MAGI1: variants seen among roughly 807,000 people sequenced by gnomAD.
MAGI1 encodes membrane associated guanylate kinase, WW and PDZ domain containing 1.
In MAGI1, 58 loss-of-function variants were observed where a neutral mutation model predicts 139.9. The observed-to-expected ratio is 0.41, with a 90% CI of 0.34 to 0.52. The LOEUF is 0.52. Among genes scored for constraint, MAGI1 ranks in the 20% least tolerant of loss-of-function variants. The pLI is 0.12. For missense variants in MAGI1, 1,874 were observed against 1,901.6 expected, an observed-to-expected ratio of 0.99 and a Z score of 0.27; for synonymous variants, 812 against 737.9, an observed-to-expected ratio of 1.10 and a Z score of -1.63.
At chr3:66,027,062 G>T (rs1158012396) in intron 1 of MAGI1, among the ~76,000 whole-genome samples, 1 of 151,788 alleles carries the variant, frequency 6.6e-6, no homozygotes, top group Non-Finnish European at 1.5e-5. Flanking sequence ...AAGGTCAGGA[G>T]ATCGAGATCA....
chr3:65,361,369 TGAAATTC>T (rs1465410585), intron 21 of MAGI1, 32 bp from the exon 22 acceptor site: 1 of 1,609,806 alleles, frequency 6.2e-7, no homozygotes, highest in Non-Finnish European at 8.5e-7. Context: ...AAGTGAGATT[TGAAATTC>T]ATGTACGGAT....
intron 1 of MAGI1, among the ~76,000 whole-genome samples, chr3:65,702,515 TG>T (rs1442770502): frequency 6.6e-6 from 1 of 152,156 alleles, no homozygotes; most frequent in Non-Finnish European, 1.5e-5. Flanking sequence ...TAACTAGTCT[TG>T]CTAGCCTCTT....
Position 65,488,078 on chromosome 3 carries a change from G to A in MAGI1, c.550+5434C>T, listed in dbSNP as rs1951740998. On this transcript the variant is annotated intron_variant, in intron 3 of 22. Coordinates refer to ENST00000402939, the MANE Select transcript of MAGI1 (RefSeq NM_001033057.2). ...GCAGTGGTTCTAAGGGAAACAGGGTGTGCTTGCTTCCCCTCCCTTTCTAGA... is the reference window on the plus strand; with the variant it reads ...GCAGTGGTTCTAAGGGAAACAGGGTATGCTTGCTTCCCCTCCCTTTCTAGA... Among the ~76,000 whole-genome samples the A allele has an allele frequency of 2.0e-5, 3 of 152,182 alleles. No homozygotes were observed. In the South Asian group the frequency reaches 6.2e-4, roughly 32 times the overall value.
chr3:65,430,686 A>G lies in MAGI1; in HGVS notation c.1546+13T>C, dbSNP rs775935151. The G allele has an allele frequency of 1.9e-6, 3 of 1,612,338 alleles. No individual in the cohort carries two copies. In the East Asian group the frequency reaches 6.7e-5, roughly 36 times the overall value. On this transcript the variant is annotated intron_variant, in intron 11 of 22. Coordinates refer to ENST00000402939, the MANE Select transcript of MAGI1 (RefSeq NM_001033057.2). The stretch of plus-strand genomic sequence containing the variant: ...TCACCACACAGAACACACTAAGGCC[A>G]TGTTGACGCTACCTGTTTCCATCTT...
chr3:65,941,967 G>A (rs1036115794), intron 1 of MAGI1, among the ~76,000 whole-genome samples: 1 of 152,080 alleles, frequency 6.6e-6, no homozygotes, highest in African/African-American at 2.4e-5. Flanking sequence ...TTTATTTTTT[G>A]TAGAGACAGG....
At chr3:65,920,543 C>T (rs1463368544) in intron 1 of MAGI1, among the ~76,000 whole-genome samples, 1 of 152,204 alleles carries the variant, frequency 6.6e-6, no homozygotes, top group Non-Finnish European at 1.5e-5. Flanking sequence ...TTATAAGCTT[C>T]ACTCTCTTCT....
chr3:65,975,066 C>T lies in MAGI1; in HGVS notation c.313+62930G>A, dbSNP rs1330718232. Among the ~76,000 whole-genome samples the T allele has an allele frequency of 2.1e-5, 3 of 141,282 alleles. No homozygotes were observed. In the East Asian group the frequency reaches 6.2e-4, roughly 29 times the overall value. 92.7% of individuals were successfully genotyped at this position (141,282 alleles called of 152,430 possible). A position where few individuals can be genotyped will look rare whatever the true frequency, so the allele number is the denominator to read the frequency against. Reference sequence around the variant, plus strand: ...TATTCAAATCATTCATATTATGTTGCAAAGATTAAAAGGGAAATAGCTATT... The same window carrying T: ...TATTCAAATCATTCATATTATGTTGTAAAGATTAAAAGGGAAATAGCTATT... On this transcript the variant is annotated intron_variant, in intron 1 of 22. Coordinates refer to ENST00000402939, the MANE Select transcript of MAGI1 (RefSeq NM_001033057.2).
chr3:65,360,604 T>G (rs937075970), intron 22 of MAGI1: 10 of 985,354 alleles, frequency 1.0e-5, no homozygotes, highest in African/African-American at 1.7e-5. Flanking sequence ...AAAAACATTA[T>G]GGCTAATATA....
chr3:65,655,253 G>A (rs1224213981), intron 1 of MAGI1, among the ~76,000 whole-genome samples: 1 of 152,106 alleles, frequency 6.6e-6, no homozygotes, highest in Admixed American at 6.6e-5. Context: ...CTCACCACCT[G>A]TAGTCCCAGA....
intron 1 of MAGI1, among the ~76,000 whole-genome samples, chr3:65,690,014 T>C (rs945814586): frequency 6.6e-6 from 1 of 152,042 alleles, no homozygotes; most frequent in African/African-American, 2.4e-5. Context: ...TTCAATGAGG[T>C]TGACCCTACT....
At chr3:65,791,881 A>T (rs59150079) in intron 1 of MAGI1, among the ~76,000 whole-genome samples, 3,198 of 152,236 alleles carry the variant, frequency 0.021, 109 homozygotes, top group African/African-American at 0.074. Context: ...AGGCAATGCA[A>T]TTGCCTTCAG....
rs149960474 is a variant in MAGI1 at position 65,719,207 on chromosome 3, C to G, written c.314-97119G>C. Among the ~76,000 whole-genome samples, 24 of 151,868 alleles carry G rather than the reference C, an allele frequency of 1.6e-4. No homozygotes were observed. The East Asian group carries it at 3.1e-3, about 20-fold the overall frequency. On this transcript the variant is annotated intron_variant, in intron 1 of 22. Coordinates refer to ENST00000402939, the MANE Select transcript of MAGI1 (RefSeq NM_001033057.2). ...TAACTACATAAATGTAACCAAGACA[C>G]TGCTATAGATTTATTTGAATTGGGC...
At chr3:65,375,634 A>G in intron 18 of MAGI1, 111 bp downstream of exon 18, 4 of 919,630 alleles carry the variant, frequency 4.3e-6, no homozygotes, top group Non-Finnish European at 6.7e-6. Flanking sequence ...CTAAATTAAT[A>G]CTATTCAGTT....
At chr3:65,695,708 T>G (rs1485912676) in intron 1 of MAGI1, among the ~76,000 whole-genome samples, 1 of 152,150 alleles carries the variant, frequency 6.6e-6, no homozygotes, top group Admixed American at 6.5e-5. Flanking sequence ...CATTTGATAT[T>G]TGAATTGTTG....
At chr3:65,459,561 G>A (rs910905582) in intron 5 of MAGI1, among the ~76,000 whole-genome samples, 1 of 152,090 alleles carries the variant, frequency 6.6e-6, no homozygotes, top group Admixed American at 6.6e-5. Context: ...TCTGCAAACA[G>A]GAGTAGTTTT....
chr3:65,664,278 A>G lies in MAGI1; in HGVS notation c.314-42190T>C, dbSNP rs2086376045. The stretch of plus-strand genomic sequence containing the variant: ...ATAAGCCACTTGCATAACGTGGCCC[A>G]GGTAGACACTATACTCAGGTTTACT... On this transcript the variant is annotated intron_variant, in intron 1 of 22. Transcript: ENST00000402939. Among the ~76,000 whole-genome samples, 2 of 152,230 alleles carry G rather than the reference A, an allele frequency of 1.3e-5. 1 individual carries two copies. The highest frequency in any genetic ancestry group is 1.3e-4 in the Admixed American group (2 of 15,278).
chr3:65,376,389 T>C (rs1942527164), intron 17 of MAGI1, among the ~76,000 whole-genome samples: 1 of 152,364 alleles, frequency 6.6e-6, no homozygotes, highest in Non-Finnish European at 1.5e-5. Flanking sequence ...TTTAAGCTTC[T>C]GCCAATGTTT....
rs573464511 is a variant in MAGI1 at position 65,722,434 on chromosome 3, G to A, written c.314-100346C>T. ...AGATCACTTAAGCCCAGGAGTCCGA[G>A]ATCAGCCTTGGCAACATGGCAAAAC... is the stretch of plus-strand genomic sequence containing the variant. On this transcript the variant is annotated intron_variant, in intron 1 of 22. Coordinates refer to ENST00000402939, the MANE Select transcript of MAGI1 (RefSeq NM_001033057.2). Among the ~76,000 whole-genome samples the A allele has an allele frequency of 2.7e-4, 41 of 151,542 alleles. 1 individual carries two copies. The South Asian group carries it at 8.1e-3, about 30-fold the overall frequency.
chr3:65,835,639 G>T (rs1269469670), intron 1 of MAGI1, among the ~76,000 whole-genome samples: 1 of 152,102 alleles, frequency 6.6e-6, no homozygotes, highest in Non-Finnish European at 1.5e-5. Flanking sequence ...ACTCTGTCTG[G>T]TGTATTTACT....
Sources: gnomAD v4.1 joint callset for allele counts (sites outside exome capture counted in the v4.1 genomes callset) on GRCh38, gnomAD v4.1.1 for gene constraint, MANE v1.5 for transcripts, NCBI Gene and HGNC (gene_info 2026-07-23, HGNC 2026-07-21) for gene names.